The following ANK3 variants were observed in gnomAD, a reference collection of about 807,000 sequenced individuals.
ANK3 encodes the protein ankyrin-3.
A neutral mutation model predicts 370.9 loss-of-function variants in ANK3; 57 were observed. That is an observed-to-expected ratio of 0.15 (90% CI 0.12 to 0.19). ANK3 has a LOEUF of 0.19. ANK3 is among the 10% of genes least tolerant of loss of function. The pLI is 1.00. For missense variants in ANK3, 4,439 were observed against 5,302.1 expected (o/e 0.84, Z 5.06); for synonymous variants, 1,929 against 1,946.3 (o/e 0.99, Z 0.23).
intron 2 of ANK3, among the ~76,000 whole-genome samples, chr10:60,520,335 T>G (rs1220737943): frequency 6.6e-6 from 1 of 152,126 alleles, no homozygotes; most frequent in African/African-American, 2.4e-5. Context: ...GCTCACTACC[T>G]GGGTGATGGG....
intron 8 of ANK3, among the ~76,000 whole-genome samples, chr10:60,217,896 T>C (rs967633057): frequency 2.6e-5 from 4 of 152,152 alleles, no homozygotes; most frequent in Non-Finnish European, 5.9e-5. Flanking sequence ...TTTAGTCTCT[T>C]TATAGGTCTC....
chr10:60,648,124 C>T (rs1470722449), intron 1 of ANK3, among the ~76,000 whole-genome samples: 3 of 148,444 alleles, frequency 2.0e-5, no homozygotes, highest in Non-Finnish European at 3.0e-5. Context: ...GGATTACAGG[C>T]GTGAGCCACT....
intron 2 of ANK3, among the ~76,000 whole-genome samples, chr10:60,589,840 G>A (rs1011210431): frequency 2.0e-5 from 3 of 152,042 alleles, no homozygotes; most frequent in Non-Finnish European, 4.4e-5. Flanking sequence ...CTTCCTTTCA[G>A]TATTGCTAAA....
intron 1 of ANK3, among the ~76,000 whole-genome samples, chr10:60,380,203 C>T (rs2061375050): frequency 1.3e-5 from 2 of 152,040 alleles, no homozygotes; most frequent in South Asian, 4.2e-4. Flanking sequence ...GTAATATCAC[C>T]CTCCTACTAT....
chr10:60,226,487 A>ATG (rs1565819527), intron 8 of ANK3, among the ~76,000 whole-genome samples: 28 of 75,874 alleles, frequency 3.7e-4, no homozygotes, highest in African/African-American at 2.8e-3. Flanking sequence ...TACTATATAT[A>ATG]TACATATACT....
intron 1 of ANK3, among the ~76,000 whole-genome samples, chr10:60,309,344 A>T (rs141291885): frequency 3.4e-4 from 52 of 152,288 alleles, no homozygotes; most frequent in African/African-American, 1.2e-3. Flanking sequence ...AAGCATGCAA[A>T]ACTCACAATT....
chr10:60,094,765 C>G (rs887202989), intron 28 of ANK3, among the ~76,000 whole-genome samples: 4 of 151,988 alleles, frequency 2.6e-5, no homozygotes, highest in African/African-American at 9.7e-5. Context: ...GTAAAGCCAT[C>G]AGTAATGTCA....
rs555215175 is a variant in ANK3 at position 60,213,738 on chromosome 10, C to T, written c.898-228G>A. ...AATTTCCCACAAGTTTGAATATTGA[C>T]GTTTAAATATATAACTTTTCCACTA... On this transcript the variant is annotated intron_variant, in intron 8 of 43. Coordinates refer to ENST00000280772, the MANE Select transcript of ANK3 (RefSeq NM_020987.5). 7.2e-5 allele frequency among the ~76,000 whole-genome samples: 11 copies of T among 152,182 alleles called. 1 individual carries two copies. The South Asian group carries it at 8.3e-4, about 11-fold the overall frequency.
At chr10:60,063,998 T>A (rs2081140421) in intron 39 of ANK3, among the ~76,000 whole-genome samples, 159 bp downstream of exon 39, 1 of 152,254 alleles carries the variant, frequency 6.6e-6, no homozygotes, top group Non-Finnish European at 1.5e-5. Context: ...TAAACAAGTA[T>A]AACTTCAAAA....
chr10:60,030,808 C>T (rs1181958110), intron 43 of ANK3, among the ~76,000 whole-genome samples: 2 of 152,130 alleles, frequency 1.3e-5, no homozygotes, highest in Admixed American at 6.5e-5. Context: ...GTTTGGTGTT[C>T]GACTGTCCAT....
chr10:60,406,741 T>A (rs1344417389), intron 2 of ANK3, among the ~76,000 whole-genome samples: 1 of 152,252 alleles, frequency 6.6e-6, no homozygotes, highest in African/African-American at 2.4e-5. Context: ...AATCTGGTTT[T>A]TCCTATCACT....
intron 1 of ANK3, among the ~76,000 whole-genome samples, chr10:60,708,638 C>T (rs2079653575): frequency 6.6e-6 from 1 of 152,194 alleles, no homozygotes; most frequent in Admixed American, 6.5e-5. Context: ...CAGAGCCTAA[C>T]TGACTTGGGA....
chr10:60,365,389 C>T (rs1289204737), intron 1 of ANK3, among the ~76,000 whole-genome samples: 1 of 152,098 alleles, frequency 6.6e-6, no homozygotes, highest in African/African-American at 2.4e-5. Flanking sequence ...TTTCCTTGAG[C>T]AGTTTTCATG....
At chr10:60,644,841 A>C (rs1358030598) in intron 1 of ANK3, among the ~76,000 whole-genome samples, 1 of 149,028 alleles carries the variant, frequency 6.7e-6, no homozygotes, top group Non-Finnish European at 1.5e-5. Flanking sequence ...ATTTAGTTAA[A>C]AGAAAAAAAA....
At chr10:60,248,172 T>C (rs899730538) in intron 7 of ANK3, among the ~76,000 whole-genome samples, 98 of 152,304 alleles carry the variant, frequency 6.4e-4, no homozygotes, top group African/African-American at 2.3e-3. Flanking sequence ...AACCTGCTTT[T>C]CATTATTTTG....
At chr10:60,252,236 T>C (rs546712983) in intron 7 of ANK3, among the ~76,000 whole-genome samples, 1 of 152,246 alleles carries the variant, frequency 6.6e-6, no homozygotes, top group East Asian at 1.9e-4. Flanking sequence ...AAGAGCAATG[T>C]TTTTTTCACT....
At chr10:60,582,112 G>T (rs1330666098) in intron 2 of ANK3, among the ~76,000 whole-genome samples, 1 of 152,054 alleles carries the variant, frequency 6.6e-6, no homozygotes, top group African/African-American at 2.4e-5. Flanking sequence ...CACACACTGG[G>T]GCTTGTCAGG....
At chr10:60,240,430 G>C (rs377723710) in intron 7 of ANK3, among the ~76,000 whole-genome samples, 4 of 151,074 alleles carry the variant, frequency 2.6e-5, no homozygotes, top group African/African-American at 9.7e-5. Context: ...TCAGCCTCCC[G>C]AGTAGCTGGG....
At chr10:60,370,473 A>T (rs1169051742) in intron 1 of ANK3, among the ~76,000 whole-genome samples, 1 of 152,084 alleles carries the variant, frequency 6.6e-6, no homozygotes, top group Non-Finnish European at 1.5e-5. Flanking sequence ...TATAAAAATC[A>T]CTATTCAAAT....
Sources: gnomAD v4.1 joint callset for allele counts (sites outside exome capture counted in the v4.1 genomes callset) on GRCh38, gnomAD v4.1.1 for gene constraint, MANE v1.5 for transcripts, NCBI Gene and HGNC (gene_info 2026-07-23, HGNC 2026-07-21) for gene names.